S100Z: variants seen among roughly 807,000 people sequenced by gnomAD.
S100Z encodes S100 calcium binding protein Z.
A neutral mutation model predicts 8.5 loss-of-function variants in S100Z; 11 were observed. The observed-to-expected ratio is 1.30, with a 90% confidence interval of 0.82 to 2.15. The LOEUF (loss-of-function observed/expected upper bound fraction) is 2.15. Among genes scored for constraint, S100Z ranks in the 30% most tolerant of loss-of-function variants. The pLI is 0.00. For synonymous variants in S100Z, 34 were observed against 43.8 expected, an observed-to-expected ratio of 0.78 and a Z score of 0.89; for missense variants, 126 against 117.9, an observed-to-expected ratio of 1.07 and a Z score of -0.32.
At chr5:76,884,511 T>C (rs985693535) in intron 4 of S100Z, among the ~76,000 whole-genome samples, 1 of 152,174 alleles carries the variant, frequency 6.6e-6, no homozygotes, top group Non-Finnish European at 1.5e-5. Context: ...CAGGTTAAAT[T>C]GTAGGACAGA....
chr5:76,911,650 C>G (rs879259597), intron 4 of S100Z, among the ~76,000 whole-genome samples: 2 of 152,172 alleles, frequency 1.3e-5, no homozygotes, highest in African/African-American at 2.4e-5. Context: ...TTTTGGCTAC[C>G]AGTTCTGAAG....
At chr5:76,865,939 C>T (rs955836467) in intron 1 of S100Z, among the ~76,000 whole-genome samples, 9 of 150,626 alleles carry the variant, frequency 6.0e-5, no homozygotes, top group Admixed American at 3.3e-4. Flanking sequence ...CACTTGAACC[C>T]GGGAAGCAGA....
At chr5:76,923,013 T>TAAA (rs35837978), downstream of S100Z, among the ~76,000 whole-genome samples, 44,181 of 142,958 alleles carry the variant, frequency 0.31, 7,213 homozygotes, top group South Asian at 0.6. Context: ...AATGCCTATG[T>TAAA]AAAAAAAAAA....
At chr5:76,941,802 C>A in the S100Z span, among the ~76,000 whole-genome samples, 10 of 152,260 alleles carry the variant, frequency 6.6e-5, no homozygotes, top group Middle Eastern at 3.4e-3. Flanking sequence ...ATGCTCCCCC[C>A]CCTTGATGGC....
chr5:76,932,511 G>A, the S100Z span, among the ~76,000 whole-genome samples: 1 of 152,170 alleles, frequency 6.6e-6, no homozygotes, highest in South Asian at 2.1e-4. Flanking sequence ...CCGTTACCAC[G>A]CCCAGCTTAT....
chr5:76,948,004 G>C, the S100Z span, among the ~76,000 whole-genome samples: 1 of 152,086 alleles, frequency 6.6e-6, no homozygotes, highest in Non-Finnish European at 1.5e-5. Context: ...AGCAAAAATA[G>C]GCTAGTGGGA....
At chr5:76,948,638 G>A in the S100Z span, among the ~76,000 whole-genome samples, 11 of 152,004 alleles carry the variant, frequency 7.2e-5, no homozygotes, top group Admixed American at 2.0e-4. Context: ...ACATCACCTC[G>A]AAACTGTTCA....
intron 2 of S100Z, among the ~76,000 whole-genome samples, chr5:76,871,741 G>A (rs1296096788): frequency 5.3e-5 from 8 of 151,958 alleles, no homozygotes; most frequent in Non-Finnish European, 1.2e-4. Context: ...TGGCCAAGCT[G>A]GTCTCGAACT....
At chr5:76,927,172 A>T in the S100Z span, among the ~76,000 whole-genome samples, 87 of 152,356 alleles carry the variant, frequency 5.7e-4, no homozygotes, top group Non-Finnish European at 1.1e-3. Flanking sequence ...GGGAGGCCCT[A>T]AAACAAGTCA....
chr5:76,929,100 A>AC, the S100Z span, among the ~76,000 whole-genome samples: 5 of 152,072 alleles, frequency 3.3e-5, no homozygotes, highest in African/African-American at 1.2e-4. Context: ...AGTAGGAGAA[A>AC]CCTAATAGTC....
intron 1 of S100Z, among the ~76,000 whole-genome samples, chr5:76,854,711 T>C (rs1280357539): frequency 6.6e-6 from 1 of 152,208 alleles, no homozygotes; most frequent in African/African-American, 2.4e-5. Context: ...AAGCCCTTTT[T>C]CAGGGGAAGG....
chr5:76,854,728 G>T (rs1252412131), intron 1 of S100Z, among the ~76,000 whole-genome samples: 1 of 152,226 alleles, frequency 6.6e-6, no homozygotes, highest in Non-Finnish European at 1.5e-5. Flanking sequence ...AAGGATTCAG[G>T]CAGGCTGCAG....
the S100Z span, among the ~76,000 whole-genome samples, chr5:76,942,657 G>C: frequency 1.3e-5 from 2 of 152,170 alleles, no homozygotes; most frequent in Non-Finnish European, 2.9e-5. Context: ...TTTAGTATCA[G>C]CTCTTCATCC....
At chr5:76,945,929 G>A in the S100Z span, among the ~76,000 whole-genome samples, 1 of 152,180 alleles carries the variant, frequency 6.6e-6, no homozygotes, top group Non-Finnish European at 1.5e-5. Context: ...CCACAGGTGT[G>A]GAGGGGCAGG....
intron 4 of S100Z, among the ~76,000 whole-genome samples, chr5:76,885,949 AAG>A (rs577406945): frequency 5.2e-4 from 70 of 135,322 alleles, no homozygotes; most frequent in African/African-American, 1.9e-3. Context: ...GTGGAGAGAA[AAG>A]AGAGAGTAGA....
intron 4 of S100Z, among the ~76,000 whole-genome samples, chr5:76,893,755 G>A (rs1182614139): frequency 6.6e-6 from 1 of 152,080 alleles, no homozygotes; most frequent in Non-Finnish European, 1.5e-5. Flanking sequence ...GGGTCCCCAG[G>A]GGCAGATGGG....
chr5:76,912,507 G>A (rs1340769969), intron 4 of S100Z, among the ~76,000 whole-genome samples: 3 of 152,196 alleles, frequency 2.0e-5, no homozygotes, highest in African/African-American at 7.2e-5. Flanking sequence ...CCAGGGACAA[G>A]GGCCCAGTTA....
At chr5:76,951,011 T>C in the S100Z span, among the ~76,000 whole-genome samples, 2 of 151,434 alleles carry the variant, frequency 1.3e-5, no homozygotes, top group Non-Finnish European at 2.9e-5. Flanking sequence ...GTTTCCATCT[T>C]TTAATTACCA....
chr5:76,941,692 G>C, the S100Z span, among the ~76,000 whole-genome samples: 1 of 150,704 alleles, frequency 6.6e-6, no homozygotes, highest in Admixed American at 6.6e-5. Flanking sequence ...CCACTGTAGA[G>C]TTACTCCCCA....
Sources: allele counts gnomAD v4.1 joint callset (sites outside exome capture counted in the v4.1 genomes callset), GRCh38; gene constraint gnomAD v4.1.1; transcripts MANE v1.5; gene names NCBI Gene and HGNC (gene_info 2026-07-23, HGNC 2026-07-21).